SH3GL1: variants seen among roughly 807,000 people sequenced by gnomAD.
SH3GL1 encodes the protein endophilin-A2.
In SH3GL1, 21 loss-of-function variants were observed where a neutral mutation model predicts 48.8. That is an observed-to-expected ratio of 0.43 (90% confidence interval 0.30 to 0.62). The LOEUF is 0.62. Among genes scored for constraint, SH3GL1 ranks in the 20% least tolerant of loss-of-function variants. The pLI, the probability that SH3GL1 is intolerant of heterozygous loss-of-function variation, is 0.11. For missense variants in SH3GL1, 454 were observed against 503.0 expected (o/e 0.90, Z 0.93); for synonymous variants, 282 against 217.5 (o/e 1.30, Z -2.61).
chr19:4,361,844 C>A, intron 9 of SH3GL1, 48 bp from the exon 10 acceptor site: 1 of 1,378,532 alleles, frequency 7.3e-7, no homozygotes, highest in South Asian at 1.2e-5. Flanking sequence ...CGCCTCACCC[C>A]GCCCAGTCTG....
chr19:4,362,345 G>A lies in SH3GL1; in HGVS notation c.894C>T (p.Thr298=), dbSNP rs376029500. Residue 298 remains threonine (T), a synonymous_variant, in exon 9 of 10, where the codon ACC becomes ACT. Coordinates refer to ENST00000269886, the MANE Select transcript of SH3GL1 (RefSeq NM_003025.4). ...SFRSSDKPIR[T]PSRSMPPLDQ... is the part of the protein sequence containing the mutation. ...AACACTCACGCATGCTCCGGCTAGG[G>A]GTCCGGATGGGCTTGTCGGAAGATC... The A allele has an allele frequency of 5.5e-5, 89 of 1,612,178 alleles. No individual in the cohort carries two copies. Among genetic ancestry groups the A allele is most frequent in the Middle Eastern group, 3.3e-4 (2 of 6,082 alleles).
In SH3GL1 at chr19:4,363,729, C is replaced by T. The variant is rs1250912129; in HGVS notation, c.615G>A (p.Leu205=). 1.2e-6 allele frequency: 2 copies of T among 1,613,438 alleles called. No individual in the cohort carries two copies. Among genetic ancestry groups the T allele is most frequent in the Admixed American group, 1.7e-5 (1 of 60,026 alleles). ...ACCCCGAGCTACTCACGTCAGTCTC[C>T]AGGAGGTTGTGCATGCTGGTTTCTG... ...EVAETSMHNL[L]ETDIEQVSQL... is the part of the protein sequence containing the mutation. The change falls in exon 6 of 10, where the codon CTG becomes CTA. Residue 205 remains leucine, a synonymous_variant. Coordinates refer to ENST00000269886, the MANE Select transcript of SH3GL1 (RefSeq NM_003025.4).
chr19:4,364,368 C>G, intron 4 of SH3GL1, 147 bp from the exon 5 acceptor site: 2 of 1,020,844 alleles, frequency 2.0e-6, no homozygotes, highest in Non-Finnish European at 2.9e-6. Flanking sequence ...AAACTGGGCT[C>G]AAGCCATGCT....
chr19:4,373,488 C>CA (rs988597032), intron 1 of SH3GL1, among the ~76,000 whole-genome samples: 5 of 152,330 alleles, frequency 3.3e-5, no homozygotes, highest in Non-Finnish European at 7.4e-5. Flanking sequence ...TGAATCAAGA[C>CA]AAAGTTTCTG....
chr19:4,363,403 A>G lies in SH3GL1; in HGVS notation c.695T>C (p.Ile232Thr). 1.2e-6 allele frequency: 2 copies of G among 1,611,310 alleles called. No homozygotes were observed. The highest frequency in any genetic ancestry group is 2.7e-5 in the African/African-American group (2 of 74,994). Residue 232 changes from isoleucine to threonine, a missense_variant, in exon 7 of 10, where the codon ATC becomes ACC. By Grantham distance (89) the Ile-to-Thr change is moderately conservative. Around this residue, in one of 2 missense-constraint regions of SH3GL1, gnomAD observed 278 missense variants for 246.8 expected, o/e 1.13. Transcript: ENST00000269886. ...GAGCTTCTCCGCCAGCTCGTCCAGG[A>G]TCTGCACGGCCTGCCGGTGGTAGTC... is the stretch of plus-strand genomic sequence containing the variant. ...QLDYHRQAVQ[I>T]LDELAEKLKR...
chr19:4,372,792 C>T (rs999741729), intron 1 of SH3GL1, among the ~76,000 whole-genome samples: 3 of 152,214 alleles, frequency 2.0e-5, no homozygotes, highest in Non-Finnish European at 4.4e-5. Flanking sequence ...CACTGGCCTT[C>T]GTGTCCCCTT....
At chr19:4,398,130 C>G (rs556357909) in intron 1 of SH3GL1, among the ~76,000 whole-genome samples, 1 of 152,138 alleles carries the variant, frequency 6.6e-6, no homozygotes, top group Non-Finnish European at 1.5e-5. Context: ...CAGGCATGAG[C>G]CACAGCACCT....
chr19:4,385,592 G>A (rs1251145663), intron 1 of SH3GL1, among the ~76,000 whole-genome samples: 1 of 152,142 alleles, frequency 6.6e-6, no homozygotes, highest in Non-Finnish European at 1.5e-5. Flanking sequence ...CCCTGGCTGT[G>A]CAGCTGCCCA....
chr19:4,374,042 G>A (rs1224261376), intron 1 of SH3GL1, among the ~76,000 whole-genome samples: 1 of 152,240 alleles, frequency 6.6e-6, no homozygotes, highest in Non-Finnish European at 1.5e-5. Context: ...GGCAGAGAGC[G>A]ATAAATGCTT....
At chr19:4,371,022 G>C (rs1039846582) in intron 1 of SH3GL1, among the ~76,000 whole-genome samples, 1 of 152,256 alleles carries the variant, frequency 6.6e-6, no homozygotes, top group Admixed American at 6.5e-5. Context: ...TTTTCTGCCT[G>C]ACCCTGTACT....
intron 4 of SH3GL1, among the ~76,000 whole-genome samples, chr19:4,365,100 C>T (rs952118747): frequency 3.3e-5 from 5 of 151,750 alleles, no homozygotes; most frequent in Admixed American, 6.6e-5. Context: ...GCCCAGGGCC[C>T]GGAAATTGGA....
At chr19:4,391,883 G>A (rs1973343880) in intron 1 of SH3GL1, among the ~76,000 whole-genome samples, 1 of 152,178 alleles carries the variant, frequency 6.6e-6, no homozygotes. Context: ...CGGCTCCAAT[G>A]CCGGCTCCAA....
chr19:4,392,571 A>ACACAC (rs1568422062), intron 1 of SH3GL1, among the ~76,000 whole-genome samples: 9 of 142,278 alleles, frequency 6.3e-5, no homozygotes, highest in East Asian at 2.1e-4. Flanking sequence ...CACACACACA[A>ACACAC]AAGATCATTC....
chr19:4,388,009 G>A (rs1431909961), intron 1 of SH3GL1, among the ~76,000 whole-genome samples: 4 of 151,954 alleles, frequency 2.6e-5, no homozygotes, highest in African/African-American at 4.8e-5. Context: ...ACAGCCATGC[G>A]CCACCCACGC....
Position 4,369,357 on chromosome 19 carries a change from T to C in SH3GL1, c.46-2363A>G, listed in dbSNP as rs372391901. 1.1e-4 allele frequency among the ~76,000 whole-genome samples: 17 copies of C among 152,372 alleles called. No individual in the cohort carries two copies. The East Asian group carries it at 3.3e-3, about 29-fold the overall frequency. ...GGGAAATGAGTGGCTGATGTGAGAC[T>C]GGACTCTTCTGGGAAGCCGGGAGGA... is the stretch of plus-strand genomic sequence containing the variant. On this transcript the variant is annotated intron_variant, in intron 1 of 9. Coordinates refer to ENST00000269886, the MANE Select transcript of SH3GL1 (RefSeq NM_003025.4).
intron 1 of SH3GL1, among the ~76,000 whole-genome samples, chr19:4,398,200 A>G (rs576295040): frequency 6.6e-6 from 1 of 151,470 alleles, no homozygotes; most frequent in East Asian, 2.0e-4. Flanking sequence ...GTTACTGGGG[A>G]CTCGTTTCTC....
chr19:4,372,606 G>A (rs771893306), intron 1 of SH3GL1, among the ~76,000 whole-genome samples: 5 of 152,300 alleles, frequency 3.3e-5, no homozygotes, highest in East Asian at 1.9e-4. Flanking sequence ...TATCATATCC[G>A]TGTGTCTCTG....
chr19:4,362,269 A>G, intron 9 of SH3GL1, 60 bp downstream of exon 9: 3 of 1,510,980 alleles, frequency 2.0e-6, no homozygotes, highest in African/African-American at 1.4e-5. Context: ...GAGGAGAAAC[A>G]CCCTCCCCGA....
intron 1 of SH3GL1, among the ~76,000 whole-genome samples, chr19:4,378,948 G>T (rs919080409): frequency 2.0e-5 from 3 of 152,198 alleles, no homozygotes; most frequent in African/African-American, 4.8e-5. Flanking sequence ...ATCTCCAAGG[G>T]ACCCTGGTGA....
Sources: gnomAD v4.1 joint callset for allele counts (sites outside exome capture counted in the v4.1 genomes callset) on GRCh38, gnomAD v4.1.1 for gene constraint, gnomAD v4.1.1 regional missense constraint, MANE v1.5 for transcripts, NCBI Gene and HGNC (gene_info 2026-07-23, HGNC 2026-07-21) for gene names.